Variants in TAF3 observed in about 807,000 individuals in gnomAD.
TAF3 encodes transcription initiation factor TFIID subunit 3.
Under a neutral mutation model 80.6 loss-of-function variants are expected in TAF3, and 7 were observed. That is an observed-to-expected ratio of 0.09 (90% confidence interval 0.05 to 0.16). The LOEUF is 0.16. Among genes scored for constraint, TAF3 ranks in the 10% least tolerant of loss-of-function variants. TAF3 has a pLI of 1.00. For missense variants in TAF3, 921 were observed against 1,140.2 expected (o/e 0.81, Z 2.77); for synonymous variants, 444 against 446.1 (o/e 1.00, Z 0.06).
intron 2 of TAF3, 74 bp downstream of exon 2, chr10:7,824,634 A>G (rs759305942): frequency 5.3e-6 from 8 of 1,497,974 alleles, no homozygotes; most frequent in African/African-American, 2.8e-5. Flanking sequence ...TTTCCATGCT[A>G]TGTCAACTTT....
chr10:7,895,498 T>C (rs1837496238), intron 2 of TAF3, among the ~76,000 whole-genome samples: 1 of 152,218 alleles, frequency 6.6e-6, no homozygotes, highest in Non-Finnish European at 1.5e-5. Flanking sequence ...ACTGACATCA[T>C]GGTCCTGGCA....
At chr10:7,924,004 A>G (rs1304548454) in intron 2 of TAF3, among the ~76,000 whole-genome samples, 1 of 152,208 alleles carries the variant, frequency 6.6e-6, no homozygotes, top group Non-Finnish European at 1.5e-5. Flanking sequence ...AAAATTTCAG[A>G]CAGTTGAAGT....
At chr10:7,961,403 TGCAGCATG>T (rs1564371790) in intron 2 of TAF3, among the ~76,000 whole-genome samples, 2 of 152,236 alleles carry the variant, frequency 1.3e-5, no homozygotes, top group Non-Finnish European at 2.9e-5. Flanking sequence ...TTCATGCTTT[TGCAGCATG>T]GCTTCTGCTG....
intron 4 of TAF3, among the ~76,000 whole-genome samples, chr10:8,008,695 G>A (rs1665176132): frequency 6.6e-6 from 1 of 152,160 alleles, no homozygotes; most frequent in African/African-American, 2.4e-5. Flanking sequence ...AGCCACAGTG[G>A]AAGGAGCAGC....
In TAF3 at chr10:7,967,247, A is replaced by G. The variant is rs77754962; in HGVS notation, c.2232+1505A>G. ...TTAGTCATTTATCCCTTGTGTACCTAGTAAGTTGGCAGCTGAGCCCTCAGT... is the reference window on the plus strand; with the variant it reads ...TTAGTCATTTATCCCTTGTGTACCTGGTAAGTTGGCAGCTGAGCCCTCAGT... On this transcript the variant is annotated intron_variant, in intron 3 of 6. Coordinates refer to ENST00000344293, the MANE Select transcript of TAF3 (RefSeq NM_031923.4). Among the ~76,000 whole-genome samples, 1,266 of 152,322 alleles carry G rather than the reference A, an allele frequency of 8.3e-3. 16 individuals carry two copies. Among genetic ancestry groups the G allele is most frequent in the African/African-American group, 0.027 (1,135 of 41,556 alleles).
rs141973049 is a variant in TAF3 at position 7,999,099 on chromosome 10, A to AGGT, written c.2316-9978_2316-9976dup. On this transcript the variant is annotated intron_variant, in intron 4 of 6. Transcript: ENST00000344293. ...GTGACTCATTAAGCAGATGGAAGGA[A>AGGT]GGTAGGCAGGGAGGAAAGAACAGAG... Among the ~76,000 whole-genome samples, 1,357 of 152,240 alleles carry AGGT rather than the reference A, an allele frequency of 8.9e-3. 23 individuals are homozygous for AGGT. The highest frequency in any genetic ancestry group is 0.03 in the African/African-American group (1,249 of 41,548).
At chr10:7,849,973 G>GC (rs1166710481) in intron 2 of TAF3, among the ~76,000 whole-genome samples, 2 of 152,120 alleles carry the variant, frequency 1.3e-5, no homozygotes, top group Non-Finnish European at 1.5e-5. Context: ...GAGCCACCAT[G>GC]CCTGGCCTCA....
chr10:7,964,613 C>G lies in TAF3; in HGVS notation c.1103C>G (p.Ala368Gly). The G allele has an allele frequency of 6.2e-7, 1 of 1,614,124 alleles. No individual in the cohort carries two copies. Among genetic ancestry groups the G allele is most frequent in the Non-Finnish European group, 8.5e-7 (1 of 1,180,016 alleles). ...AAACAAATACAGACACCCCCTGATGCTGGGAAACTGAACAGTGAGAATCAG... is the reference window on the plus strand; with the variant it reads ...AAACAAATACAGACACCCCCTGATGGTGGGAAACTGAACAGTGAGAATCAG... ...QVKQIQTPPD[A>G]GKLNSENQPK... Residue 368 changes from alanine (A) to glycine (G), a missense_variant, in exon 3 of 7, where the codon GCT becomes GGT. By Grantham distance (60) the Ala-to-Gly change is moderately conservative. Coordinates refer to ENST00000344293, the MANE Select transcript of TAF3 (RefSeq NM_031923.4). The surrounding 1 kb of genome is among the most constrained non-coding windows in gnomAD (Gnocchi z 4.1).
intron 2 of TAF3, among the ~76,000 whole-genome samples, chr10:7,887,751 A>T (rs1837421780): frequency 6.6e-6 from 1 of 152,120 alleles, no homozygotes; most frequent in Non-Finnish European, 1.5e-5. Flanking sequence ...AAAGTTAAGG[A>T]TAGAGAAGAA....
chr10:7,954,784 G>A (rs1156306286), intron 2 of TAF3, among the ~76,000 whole-genome samples: 1 of 139,600 alleles, frequency 7.2e-6, no homozygotes, highest in African/African-American at 2.6e-5. Flanking sequence ...GAGATTCAGA[G>A]TGCCCTCCAT....
chr10:7,927,973 CTT>C (rs35345431), intron 2 of TAF3, among the ~76,000 whole-genome samples: 81,817 of 150,652 alleles, frequency 0.54, 23,318 homozygotes, highest in East Asian at 0.71. Context: ...TGCTCCCCCA[CTT>C]TTTTTTTTGG....
At chr10:7,868,425 G>A (rs997306742) in intron 2 of TAF3, among the ~76,000 whole-genome samples, 3 of 152,038 alleles carry the variant, frequency 2.0e-5, no homozygotes, top group Admixed American at 6.6e-5. Flanking sequence ...ATCAGGAGTG[G>A]AGGCAGTGTG....
In TAF3 at chr10:7,818,861, G is replaced by A; in HGVS notation, c.152G>A (p.Arg51Gln). ...YLQQLGRGCH[R>Q]YSELYGRTDP... is the part of the protein sequence containing the mutation. ...CAGCAGCTGGGCCGGGGCTGCCATCGGTACTCTGAGCTCTGTGAGTACCGG... is the reference window on the plus strand; with the variant it reads ...CAGCAGCTGGGCCGGGGCTGCCATCAGTACTCTGAGCTCTGTGAGTACCGG... The change falls in exon 1 of 7, where the codon CGG becomes CAG. Residue 51 changes from arginine (R) to glutamine (Q), a missense_variant. By Grantham distance (43) the Arg-to-Gln change is conservative. Around this residue, in one of 6 missense-constraint regions of TAF3, gnomAD observed 106 missense variants for 191.8 expected, o/e 0.55. Transcript: ENST00000344293. 1.3e-6 allele frequency: 2 copies of A among 1,518,110 alleles called. No individual in the cohort carries two copies. The highest frequency in any genetic ancestry group is 1.7e-6 in the Non-Finnish European group (2 of 1,144,006). The allele number at this position is 1,518,110 out of a possible 1,614,324, so 94.0% of individuals were successfully genotyped here.
chr10:7,966,608 C>G (rs1383988409), intron 3 of TAF3, among the ~76,000 whole-genome samples: 1 of 152,168 alleles, frequency 6.6e-6, no homozygotes, highest in Non-Finnish European at 1.5e-5. Context: ...AGTGCCACCC[C>G]AGAGCTCCTG....
At chr10:7,989,189 AT>A (rs1398677834) in intron 4 of TAF3, among the ~76,000 whole-genome samples, 1 of 152,192 alleles carries the variant, frequency 6.6e-6, no homozygotes, top group Non-Finnish European at 1.5e-5. Context: ...GCCTGAACCA[AT>A]CACTGTGCCT....
chr10:7,936,368 G>A (rs191869455), intron 2 of TAF3, among the ~76,000 whole-genome samples: 91 of 152,168 alleles, frequency 6.0e-4, no homozygotes, highest in African/African-American at 2.1e-3. Flanking sequence ...GAGATAAGAC[G>A]GGGATTTCTC....
intron 2 of TAF3, among the ~76,000 whole-genome samples, chr10:7,829,884 T>C (rs775569991): frequency 1.3e-5 from 2 of 152,252 alleles, no homozygotes; most frequent in Non-Finnish European, 2.9e-5. Context: ...GGGATTTCTC[T>C]CTTTCCCCAC....
chr10:7,996,710 C>T (rs773198666), intron 4 of TAF3, among the ~76,000 whole-genome samples: 61 of 151,486 alleles, frequency 4.0e-4, no homozygotes, highest in Non-Finnish European at 7.5e-4. Flanking sequence ...TTTTTTGAGA[C>T]AGGGTCTCAG....
At chr10:7,872,484 T>C (rs1046654244) in intron 2 of TAF3, among the ~76,000 whole-genome samples, 5 of 152,192 alleles carry the variant, frequency 3.3e-5, no homozygotes, top group Non-Finnish European at 5.9e-5. Flanking sequence ...ATATTGTAGA[T>C]GGAAATATAT....
Sources: allele counts gnomAD v4.1 joint callset (sites outside exome capture counted in the v4.1 genomes callset), GRCh38; gene constraint gnomAD v4.1.1; regional missense constraint gnomAD v4.1.1; non-coding constraint Gnocchi (gnomAD v3.1); transcripts MANE v1.5; gene names NCBI Gene and HGNC (gene_info 2026-07-23, HGNC 2026-07-21).